The following PPP1R12B variants were observed in gnomAD, a reference collection of about 807,000 sequenced individuals.
PPP1R12B encodes the protein myosin phosphatase target subunit 2.
A neutral mutation model predicts 126.1 loss-of-function variants in PPP1R12B; 76 were observed. The ratio of observed to expected loss-of-function variants is 0.60; its 90% CI spans 0.50 to 0.73. The LOEUF is 0.73. Ranked by LOEUF, PPP1R12B falls within the 30% of genes least tolerant of loss-of-function variation. PPP1R12B has a pLI of 0.00. For synonymous variants in PPP1R12B, 356 were observed against 434.7 expected, an observed-to-expected ratio of 0.82 and a Z score of 2.25; for missense variants, 1,052 against 1,205.1, an observed-to-expected ratio of 0.87 and a Z score of 1.88.
At chr1:202,448,430 A>G (rs996457156) in intron 12 of PPP1R12B, 18 of 152,572 alleles carry the variant, frequency 1.2e-4, no homozygotes, top group African/African-American at 4.3e-4. Flanking sequence ...ATGGGAAGAG[A>G]GAGCAGTTGC....
chr1:202,436,167 G>A (rs1670784920), intron 9 of PPP1R12B, among the ~76,000 whole-genome samples: 1 of 151,922 alleles, frequency 6.6e-6, no homozygotes, highest in African/African-American at 2.4e-5. Flanking sequence ...CTGGGAGGCC[G>A]AGGTGGGAGG....
chr1:202,375,183 A>G (rs563926798), intron 1 of PPP1R12B, among the ~76,000 whole-genome samples: 19 of 150,244 alleles, frequency 1.3e-4, no homozygotes, highest in African/African-American at 4.4e-4. Flanking sequence ...ACCTCAAGTG[A>G]TCTGCCTGCC....
rs969813616 is a variant in PPP1R12B, at chr1:202,508,103, G to A, written c.2490+11281G>A. Among the ~76,000 whole-genome samples the A allele has an allele frequency of 6.6e-6, 1 of 152,154 alleles. No homozygotes were observed. Among genetic ancestry groups the A allele is most frequent in the African/African-American group, 2.4e-5 (1 of 41,442 alleles). On this transcript the variant is annotated intron_variant, in intron 18 of 23. Transcript: ENST00000608999. This position sits in a 1 kb window ranked among gnomAD's most constrained non-coding sequence, Gnocchi z 4.5. ...CTGTAAAGCTTCCTGTATAAAGCTT[G>A]TAAAAATGTAAAGATGAATGGCCAC...
At chr1:202,501,303 A>ACG (rs1680202783) in intron 18 of PPP1R12B, among the ~76,000 whole-genome samples, 1 of 152,212 alleles carries the variant, frequency 6.6e-6, no homozygotes, top group Non-Finnish European at 1.5e-5. Flanking sequence ...AAGCATAGGT[A>ACG]CGCCACAGAA....
Position 202,567,778 on chromosome 1 carries a change from C to G in PPP1R12B, c.2758C>G (p.Gln920Glu). 6.2e-7 allele frequency: 1 copy of G among 1,614,020 alleles called. No individual in the cohort carries two copies. The highest frequency in any genetic ancestry group is 8.5e-7 in the Non-Finnish European group (1 of 1,179,888). ...ACTGTTTTCCTTCCATTTGCACCAG[C>G]AGAAACAAGAAAAGACCTCTGACCG... ...IKSKLEKVAQQKQEKTSDRSS... is the reference protein window; with the variant it reads ...IKSKLEKVAQEKQEKTSDRSS... Residue 920 changes from glutamine to glutamate, a missense_variant and splice_region_variant, in exon 22 of 24, where the codon CAG becomes GAG. Physicochemically the swap from Gln to Glu is conservative, Grantham distance 29. Coordinates refer to ENST00000608999, the MANE Select transcript of PPP1R12B (RefSeq NM_002481.4).
intron 20 of PPP1R12B, among the ~76,000 whole-genome samples, chr1:202,563,626 T>TAAAAAAAAAA (rs56149958): frequency 8.3e-6 from 1 of 120,392 alleles, no homozygotes; most frequent in Non-Finnish European, 1.8e-5. Flanking sequence ...TTGGTGTTAG[T>TAAAAAAAAAA]AAAAAAAAAA....
intron 17 of PPP1R12B, among the ~76,000 whole-genome samples, chr1:202,496,446 AT>A (rs1644982502): frequency 6.6e-6 from 1 of 152,238 alleles, no homozygotes; most frequent in Admixed American, 6.5e-5. Flanking sequence ...ATTATAAATT[AT>A]TTTTTAGATA....
At chr1:202,520,147 G>A (rs1682619011) in intron 18 of PPP1R12B, among the ~76,000 whole-genome samples, 1 of 152,220 alleles carries the variant, frequency 6.6e-6, no homozygotes, top group African/African-American at 2.4e-5. Flanking sequence ...AAACTGTTAA[G>A]GTCACAGAAA....
intron 1 of PPP1R12B, 68 bp downstream of exon 1, chr1:202,349,210 C>T (rs1227292230): frequency 1.7e-5 from 26 of 1,568,110 alleles, no homozygotes; most frequent in Non-Finnish European, 2.2e-5. Flanking sequence ...TGCGAGCCAC[C>T]CCATGGGGAG....
intron 18 of PPP1R12B, among the ~76,000 whole-genome samples, chr1:202,536,571 G>T (rs182966249): frequency 6.6e-6 from 1 of 152,184 alleles, no homozygotes; most frequent in African/African-American, 2.4e-5. Flanking sequence ...TTAACACTGT[G>T]CACTTAGGCT....
intron 13 of PPP1R12B, chr1:202,472,193 TTACA>T (rs1411567028): frequency 6.4e-6 from 4 of 628,096 alleles, no homozygotes; most frequent in East Asian, 2.8e-5. Context: ...ATTTTGGAAC[TTACA>T]TATATATAGT....
intron 3 of PPP1R12B, among the ~76,000 whole-genome samples, chr1:202,423,887 G>A (rs1669139374): frequency 2.0e-5 from 3 of 152,116 alleles, no homozygotes; most frequent in Non-Finnish European, 4.4e-5. Context: ...GTTTCACCAT[G>A]TTGGCCAGGC....
chr1:202,515,804 C>T (rs1269234650), intron 18 of PPP1R12B, among the ~76,000 whole-genome samples: 1 of 152,206 alleles, frequency 6.6e-6, no homozygotes, highest in East Asian at 1.9e-4. Context: ...GTCCTCCCAC[C>T]TTGGCCTTCC....
intron 13 of PPP1R12B, among the ~76,000 whole-genome samples, chr1:202,481,689 A>G (rs574274641): frequency 2.6e-5 from 4 of 152,334 alleles, no homozygotes; most frequent in South Asian, 2.1e-4. Context: ...AGTAGTTAGT[A>G]TATTCATCAT....
intron 8 of PPP1R12B, among the ~76,000 whole-genome samples, chr1:202,433,495 C>T (rs1431918916): frequency 5.3e-5 from 8 of 152,228 alleles, no homozygotes; most frequent in Non-Finnish European, 8.8e-5. Flanking sequence ...AAACCCCAAG[C>T]TCCATAGTCT....
Position 202,435,022 on chromosome 1 carries a change from C to T in PPP1R12B, c.1254+254C>T, listed in dbSNP as rs978826094. On this transcript the variant is annotated intron_variant, in intron 9 of 23. Coordinates refer to ENST00000608999, the MANE Select transcript of PPP1R12B (RefSeq NM_002481.4). The stretch of plus-strand genomic sequence containing the variant: ...TCCTGGTGAGGGCCCTCTTTCTTGA[C>T]GTGAATATAACCACCTTCTCGCCAT... Among the ~76,000 whole-genome samples, 9 of 152,068 alleles carry T rather than the reference C, an allele frequency of 5.9e-5. 1 individual carries two copies. The highest frequency in any genetic ancestry group is 1.9e-4 in the East Asian group (1 of 5,174).
chr1:202,442,407 G>A, intron 11 of PPP1R12B, 40 bp from the exon 12 acceptor site: 1 of 1,588,466 alleles, frequency 6.3e-7, no homozygotes, highest in Non-Finnish European at 8.6e-7. Flanking sequence ...AAAACTGGTG[G>A]TAGGAATCAG....
Position 202,349,145 on chromosome 1 carries a change from A to G in PPP1R12B, c.291+3A>G. The stretch of plus-strand genomic sequence containing the variant: ...ACGGCTTGACAGCCCTGCACCAGGT[A>G]ACTCCTTTCTTGGTCTTAGAGGCGT... On this transcript the variant is annotated splice_donor_region_variant and intron_variant, in intron 1 of 23. Transcript: ENST00000608999. 1 of 1,613,724 alleles carries G rather than the reference A, an allele frequency of 6.2e-7. No homozygotes were observed. The highest frequency in any genetic ancestry group is 8.5e-7 in the Non-Finnish European group (1 of 1,179,974).
At chr1:202,529,707 T>C (rs1461661315) in intron 18 of PPP1R12B, among the ~76,000 whole-genome samples, 1 of 152,236 alleles carries the variant, frequency 6.6e-6, no homozygotes, top group Non-Finnish European at 1.5e-5. Flanking sequence ...AATTTAAGTG[T>C]GTTGCTACCA....
Sources: allele counts gnomAD v4.1 joint callset (sites outside exome capture counted in the v4.1 genomes callset), GRCh38; gene constraint gnomAD v4.1.1; non-coding constraint Gnocchi (gnomAD v3.1); transcripts MANE v1.5; gene names NCBI Gene and HGNC (gene_info 2026-07-23, HGNC 2026-07-21).